SMG6: variants seen among roughly 807,000 people sequenced by gnomAD.
SMG6 encodes the protein SMG6 nonsense mediated mRNA decay factor, also known as telomerase-binding protein EST1A.
SMG6 carries 66 observed loss-of-function variants against 142.2 expected under a neutral mutation model. The observed-to-expected ratio is 0.46, with a 90% CI of 0.38 to 0.57. The LOEUF (loss-of-function observed/expected upper bound fraction) is 0.57, where lower values mean the gene tolerates loss of function less well. Ranked by LOEUF, SMG6 falls within the 20% of genes least tolerant of loss-of-function variation. SMG6 has a pLI of 0.00. For synonymous variants in SMG6, 779 were observed against 702.4 expected (o/e 1.11, Z -1.72); for missense variants, 1,793 against 1,832.0 (o/e 0.98, Z 0.39).
intron 6 of SMG6, 26 bp downstream of exon 6, chr17:2,292,526 T>C (rs1201923958): frequency 6.2e-7 from 1 of 1,610,418 alleles, no homozygotes; most frequent in Non-Finnish European, 8.5e-7. Context: ...GCAAAGCACT[T>C]TTCCCCTGTC....
chr17:2,265,509 C>G (rs1005874750), intron 8 of SMG6, among the ~76,000 whole-genome samples: 4 of 142,844 alleles, frequency 2.8e-5, no homozygotes, highest in Non-Finnish European at 4.6e-5. Context: ...GACTGCCTCT[C>G]AAAAAAAAAA....
intron 9 of SMG6, among the ~76,000 whole-genome samples, chr17:2,242,795 T>C (rs986267335): frequency 1.3e-5 from 2 of 152,168 alleles, no homozygotes; most frequent in African/African-American, 2.4e-5. Flanking sequence ...GGATGTGTTA[T>C]TTTTAAGATG....
At chr17:2,150,183 C>A (rs890156105) in intron 13 of SMG6, among the ~76,000 whole-genome samples, 13 of 152,192 alleles carry the variant, frequency 8.5e-5, no homozygotes, top group African/African-American at 3.1e-4. Context: ...AGGAGTGGAG[C>A]GCGAACCCTA....
At position 2,065,455 on chromosome 17, in the gene SMG6, C is replaced by T; in HGVS notation, c.4047+13G>A. 2 of 1,609,184 alleles carry T rather than the reference C, an allele frequency of 1.2e-6. No homozygotes were observed. Among genetic ancestry groups the T allele is most frequent in the South Asian group, 1.1e-5 (1 of 90,816 alleles). The stretch of plus-strand genomic sequence containing the variant: ...CTGGCTGTGGGCTTTCCCTTCCTGC[C>T]ACAGGGTCTCACCAGCTGGCCAGTG... On this transcript the variant is annotated intron_variant, in intron 17 of 18. Transcript: ENST00000263073.
At chr17:2,239,373 A>G (rs2073747182) in intron 9 of SMG6, among the ~76,000 whole-genome samples, 1 of 152,260 alleles carries the variant, frequency 6.6e-6, no homozygotes, top group South Asian at 2.1e-4. Context: ...AAGAGAAGCA[A>G]CAGAGAAAAC....
chr17:2,192,886 A>C (rs1255116980), intron 10 of SMG6, among the ~76,000 whole-genome samples: 5 of 152,262 alleles, frequency 3.3e-5, no homozygotes, highest in Admixed American at 3.3e-4. Flanking sequence ...ATCTCAGAGC[A>C]AAAGCAGAGA....
intron 10 of SMG6, among the ~76,000 whole-genome samples, chr17:2,220,244 T>G (rs889236285): frequency 5.3e-5 from 8 of 152,316 alleles, no homozygotes; most frequent in Non-Finnish European, 1.2e-4. Flanking sequence ...AAAAATTTTA[T>G]GTACAGAGAT....
intron 10 of SMG6, among the ~76,000 whole-genome samples, chr17:2,230,771 T>G (rs1368688659): frequency 6.6e-6 from 1 of 152,188 alleles, no homozygotes; most frequent in East Asian, 1.9e-4. Context: ...GCATGCATCC[T>G]TCTCTGGCCT....
At chr17:2,106,465 G>A (rs1205925746) in intron 13 of SMG6, among the ~76,000 whole-genome samples, 4 of 152,086 alleles carry the variant, frequency 2.6e-5, no homozygotes, top group South Asian at 2.1e-4. Flanking sequence ...ACCATTCCTC[G>A]GTGACCTCAG....
chr17:2,225,021 G>A (rs907325083), intron 10 of SMG6, among the ~76,000 whole-genome samples: 1 of 151,906 alleles, frequency 6.6e-6, no homozygotes, highest in African/African-American at 2.4e-5. Flanking sequence ...CTGGAATAAG[G>A]GTAAAATAAA....
At chr17:2,098,035 C>G (rs886276460) in intron 13 of SMG6, among the ~76,000 whole-genome samples, 1 of 152,114 alleles carries the variant, frequency 6.6e-6, no homozygotes, top group Non-Finnish European at 1.5e-5. Context: ...GTCCCTCAGG[C>G]TGGAGTACAG....
chr17:2,237,636 A>G, intron 9 of SMG6: 3 of 852,690 alleles, frequency 3.5e-6, no homozygotes, highest in African/African-American at 1.8e-5. Flanking sequence ...CCAATACAGG[A>G]AGAGGCTGTA....
chr17:2,289,549 C>T (rs1441049694), intron 6 of SMG6, among the ~76,000 whole-genome samples: 1 of 151,998 alleles, frequency 6.6e-6, no homozygotes, highest in Non-Finnish European at 1.5e-5. Flanking sequence ...AGAGTGCGAT[C>T]CTATCTCTTA....
At chr17:2,098,276 G>C (rs573416857) in intron 13 of SMG6, among the ~76,000 whole-genome samples, 2 of 152,212 alleles carry the variant, frequency 1.3e-5, no homozygotes, top group Non-Finnish European at 2.9e-5. Flanking sequence ...GTGAGCCACT[G>C]TGCCCTGCCA....
At chr17:2,173,041 T>C (rs1279449934) in intron 12 of SMG6, 182 bp from the exon 13 acceptor site, 6 of 619,924 alleles carry the variant, frequency 9.7e-6, no homozygotes, top group Middle Eastern at 4.2e-4. Flanking sequence ...ATCTGAGGTA[T>C]GTGTATGTGG....
chr17:2,163,600 C>T (rs1366101306), intron 13 of SMG6, among the ~76,000 whole-genome samples: 3 of 151,978 alleles, frequency 2.0e-5, no homozygotes, highest in Admixed American at 6.6e-5. Flanking sequence ...ATAATTTATG[C>T]TTTTTGGGGA....
chr17:2,100,037 CTTTTTTTT>C (rs150310662), intron 13 of SMG6, among the ~76,000 whole-genome samples: 1 of 134,888 alleles, frequency 7.4e-6, no homozygotes, highest in Non-Finnish European at 1.6e-5. Context: ...TAATTTTTAT[CTTTTTTTT>C]TTTTTTTTTC....
intron 15 of SMG6, among the ~76,000 whole-genome samples, chr17:2,081,295 G>A (rs1002995949): frequency 6.6e-6 from 1 of 152,178 alleles, no homozygotes; most frequent in African/African-American, 2.4e-5. Flanking sequence ...AGGGCTGATG[G>A]GGGTCAAAGT....
At chr17:2,174,187 C>G (rs1362144081) in intron 12 of SMG6, among the ~76,000 whole-genome samples, 2 of 152,088 alleles carry the variant, frequency 1.3e-5, no homozygotes, top group Non-Finnish European at 2.9e-5. Flanking sequence ...TCACTTGAGG[C>G]CAGGAGTTCA....
Sources: gnomAD v4.1 joint callset for allele counts (sites outside exome capture counted in the v4.1 genomes callset) on GRCh38, gnomAD v4.1.1 for gene constraint, MANE v1.5 for transcripts, NCBI Gene and HGNC (gene_info 2026-07-23, HGNC 2026-07-21) for gene names.